The following LRRC4C variants were observed in gnomAD, a reference collection of about 807,000 sequenced individuals.
The protein encoded by LRRC4C is leucine-rich repeat-containing protein 4C.
Under a neutral mutation model 33.6 loss-of-function variants are expected in LRRC4C, and 5 were observed. That is an observed-to-expected ratio of 0.15 (90% CI 0.08 to 0.31). The LOEUF (loss-of-function observed/expected upper bound fraction) is 0.31, where lower values mean the gene tolerates loss of function less well. Ranked by LOEUF, LRRC4C falls within the 10% of genes least tolerant of loss-of-function variation. The pLI is 1.00. For synonymous variants in LRRC4C, 329 were observed against 302.0 expected, an observed-to-expected ratio of 1.09 and a Z score of -0.93; for missense variants, 560 against 796.7, an observed-to-expected ratio of 0.70 and a Z score of 3.58.
intron 1 of LRRC4C, among the ~76,000 whole-genome samples, chr11:41,211,827 T>A (rs778654859): frequency 7.9e-5 from 12 of 152,158 alleles, no homozygotes; most frequent in Admixed American, 7.9e-4. Flanking sequence ...ATGATTTATA[T>A]TCCTTTGGGT....
intron 5 of LRRC4C, among the ~76,000 whole-genome samples, chr11:40,149,726 A>G (rs1033950240): frequency 2.6e-5 from 4 of 152,210 alleles, no homozygotes; most frequent in Non-Finnish European, 5.9e-5. Context: ...GAAAGAACTT[A>G]GATATAAAAA....
intron 1 of LRRC4C, among the ~76,000 whole-genome samples, chr11:41,347,140 C>T (rs1444046646): frequency 6.6e-6 from 1 of 152,166 alleles, no homozygotes; most frequent in Non-Finnish European, 1.5e-5. Flanking sequence ...ACCTTCCACA[C>T]GTTATGGTAG....
At chr11:40,714,517 A>T (rs1323833656) in intron 2 of LRRC4C, among the ~76,000 whole-genome samples, 1 of 152,208 alleles carries the variant, frequency 6.6e-6, no homozygotes, top group Non-Finnish European at 1.5e-5. Context: ...TGTTAGTTAC[A>T]AAGAAAAAGC....
At chr11:41,308,156 CTT>C (rs1261760473) in intron 1 of LRRC4C, among the ~76,000 whole-genome samples, 1 of 152,200 alleles carries the variant, frequency 6.6e-6, no homozygotes, top group African/African-American at 2.4e-5. Context: ...TCTTGTCCCT[CTT>C]TCACCAAAGG....
chr11:41,395,680 A>T (rs1474452242), intron 1 of LRRC4C, among the ~76,000 whole-genome samples: 1 of 151,980 alleles, frequency 6.6e-6, no homozygotes, highest in African/African-American at 2.4e-5. Flanking sequence ...TCATGTACAA[A>T]GTTGAAACAA....
chr11:40,480,168 T>C (rs1336417939), intron 3 of LRRC4C, among the ~76,000 whole-genome samples: 1 of 152,056 alleles, frequency 6.6e-6, no homozygotes, highest in Non-Finnish European at 1.5e-5. Context: ...CATGTTTGAA[T>C]TGGCCTAATA....
intron 3 of LRRC4C, among the ~76,000 whole-genome samples, chr11:40,397,918 T>C (rs1407111628): frequency 6.6e-6 from 1 of 152,164 alleles, no homozygotes; most frequent in Non-Finnish European, 1.5e-5. Context: ...AGTCAATTTG[T>C]AATTTGTATA....
intron 3 of LRRC4C, among the ~76,000 whole-genome samples, chr11:40,321,564 G>C (rs866795966): frequency 6.6e-6 from 1 of 152,184 alleles, no homozygotes; most frequent in Admixed American, 6.5e-5. Flanking sequence ...CCCAGAAAGA[G>C]ATAAATGGCA....
intron 1 of LRRC4C, among the ~76,000 whole-genome samples, chr11:40,977,377 T>C (rs1852163286): frequency 6.6e-6 from 1 of 152,162 alleles, no homozygotes; most frequent in East Asian, 1.9e-4. Context: ...AAATATCTAC[T>C]TTCAAACTTG....
Position 41,328,869 on chromosome 11 carries a change from C to T in LRRC4C, c.-496+130562G>A, listed in dbSNP as rs533492816. ...CTTCTGAATCATCTTGTGGTTTGGA[C>T]ATTTTATCCTCATTTTAAGGTTGGG... is the stretch of plus-strand genomic sequence containing the variant. On this transcript the variant is annotated intron_variant, in intron 1 of 6. Coordinates refer to ENST00000528697, the MANE Select transcript of LRRC4C (RefSeq NM_001258419.2). Among the ~76,000 whole-genome samples the T allele has an allele frequency of 3.3e-5, 5 of 152,260 alleles. No individual in the cohort carries two copies. In the South Asian group the frequency reaches 1.0e-3, roughly 32 times the overall value.
At chr11:40,116,622 A>G (rs1255958831) in intron 6 of LRRC4C, among the ~76,000 whole-genome samples, 1 of 152,184 alleles carries the variant, frequency 6.6e-6, no homozygotes, top group African/African-American at 2.4e-5. Flanking sequence ...GCCCAAATGC[A>G]TGAGGACATA....
At chr11:40,586,325 G>T (rs2135696000) in intron 3 of LRRC4C, among the ~76,000 whole-genome samples, 1 of 149,858 alleles carries the variant, frequency 6.7e-6, no homozygotes, top group Non-Finnish European at 1.5e-5. Flanking sequence ...GGGGTTGTTT[G>T]TTTTTTTCTT....
intron 1 of LRRC4C, among the ~76,000 whole-genome samples, chr11:41,005,446 A>G (rs1369121117): frequency 2.0e-5 from 3 of 152,074 alleles, no homozygotes; most frequent in Admixed American, 1.3e-4. Context: ...TCTACTAAAA[A>G]TACAAAAATT....
At chr11:41,001,254 G>C (rs1467661090) in intron 1 of LRRC4C, among the ~76,000 whole-genome samples, 1 of 152,168 alleles carries the variant, frequency 6.6e-6, no homozygotes, top group Non-Finnish European at 1.5e-5. Context: ...GGAGTCTCCA[G>C]TGTCCAGTAT....
intron 2 of LRRC4C, among the ~76,000 whole-genome samples, chr11:40,660,892 C>T (rs1943398307): frequency 6.6e-6 from 1 of 151,974 alleles, no homozygotes; most frequent in Admixed American, 6.6e-5. Flanking sequence ...AAATTATGTC[C>T]CAACAAATAA....
chr11:40,331,561 G>A (rs368522616), intron 3 of LRRC4C, among the ~76,000 whole-genome samples: 4 of 152,352 alleles, frequency 2.6e-5, no homozygotes, highest in African/African-American at 7.2e-5. Flanking sequence ...GGCACAGAAA[G>A]TGATTAACAT....
chr11:40,952,229 G>T (rs1958725352), intron 1 of LRRC4C, among the ~76,000 whole-genome samples: 1 of 151,838 alleles, frequency 6.6e-6, no homozygotes, highest in Non-Finnish European at 1.5e-5. Flanking sequence ...GAGGGATATG[G>T]ATCCCAAGTC....
intron 6 of LRRC4C, among the ~76,000 whole-genome samples, chr11:40,123,193 T>C (rs1454479297): frequency 6.6e-6 from 1 of 152,120 alleles, no homozygotes; most frequent in Non-Finnish European, 1.5e-5. Flanking sequence ...TAAATGGGCA[T>C]GGCTGTGCTC....
intron 1 of LRRC4C, among the ~76,000 whole-genome samples, chr11:41,191,004 A>G (rs1945920256): frequency 1.3e-5 from 2 of 152,114 alleles, no homozygotes; most frequent in Admixed American, 1.3e-4. Flanking sequence ...GCTCATCTGT[A>G]TTTCTAATTG....
Sources: allele counts gnomAD v4.1 joint callset (sites outside exome capture counted in the v4.1 genomes callset), GRCh38; gene constraint gnomAD v4.1.1; transcripts MANE v1.5; gene names NCBI Gene and HGNC (gene_info 2026-07-23, HGNC 2026-07-21).